Variants in CEP128 observed in about 807,000 individuals in gnomAD.
CEP128 encodes the protein centrosomal protein 128kDa.
Under a neutral mutation model 156.7 loss-of-function variants are expected in CEP128, and 132 were observed. The ratio of observed to expected loss-of-function variants is 0.84; its 90% CI spans 0.73 to 0.97. The LOEUF (loss-of-function observed/expected upper bound fraction) is 0.97, where lower values mean the gene tolerates loss of function less well. Ranked by LOEUF, CEP128 falls within the 50% of genes least tolerant of loss-of-function variation. The pLI is 0.00. For synonymous variants in CEP128, 469 were observed against 448.9 expected, an observed-to-expected ratio of 1.04 and a Z score of -0.57; for missense variants, 1,252 against 1,281.9, an observed-to-expected ratio of 0.98 and a Z score of 0.36.
intron 19 of CEP128, among the ~76,000 whole-genome samples, chr14:80,716,263 C>A (rs1045231928): frequency 2.0e-5 from 3 of 152,138 alleles, no homozygotes; most frequent in Non-Finnish European, 4.4e-5. Flanking sequence ...AGTGTACAAC[C>A]TGATGGCTTT....
chr14:80,833,703 A>G (rs1461998262), intron 12 of CEP128, among the ~76,000 whole-genome samples: 2 of 152,164 alleles, frequency 1.3e-5, no homozygotes, highest in South Asian at 4.1e-4. Flanking sequence ...GTAATAGAAA[A>G]GAAAATAGAT....
chr14:80,523,082 C>G (rs1202070407), intron 23 of CEP128, among the ~76,000 whole-genome samples: 1 of 152,144 alleles, frequency 6.6e-6, no homozygotes, highest in East Asian at 1.9e-4. Flanking sequence ...GAAAGAGAAC[C>G]TGACTTGCTC....
intron 18 of CEP128, among the ~76,000 whole-genome samples, chr14:80,747,197 G>C (rs1379971709): frequency 2.0e-5 from 3 of 152,190 alleles, no homozygotes; most frequent in Non-Finnish European, 4.4e-5. Flanking sequence ...GTTAAACATA[G>C]AGGTACCATA....
chr14:80,723,153 G>A (rs1897891313), intron 19 of CEP128, among the ~76,000 whole-genome samples: 2 of 151,994 alleles, frequency 1.3e-5, no homozygotes, highest in Admixed American at 6.6e-5. Context: ...ATTACTAAGA[G>A]AATTGCCAAT....
chr14:80,760,589 T>A (rs149291881), intron 17 of CEP128, among the ~76,000 whole-genome samples: 24 of 152,196 alleles, frequency 1.6e-4, no homozygotes, highest in Middle Eastern at 3.4e-3. Flanking sequence ...GTGAATGCCA[T>A]CATATCACCA....
At chr14:80,606,222 A>G (rs1235151621) in intron 19 of CEP128, among the ~76,000 whole-genome samples, 1 of 152,146 alleles carries the variant, frequency 6.6e-6, no homozygotes, top group Admixed American at 6.6e-5. Context: ...CTTATCTTTA[A>G]AGGCTACTTG....
chr14:80,647,126 T>C (rs10135178), intron 19 of CEP128, among the ~76,000 whole-genome samples: 54,929 of 87,870 alleles, frequency 0.63, 16,821 homozygotes, highest in East Asian at 0.69. Context: ...CACACACACA[T>C]ACACACACAC....
At chr14:80,541,629 AT>A (rs1427951513) in intron 21 of CEP128, among the ~76,000 whole-genome samples, 13 of 152,140 alleles carry the variant, frequency 8.5e-5, no homozygotes, top group South Asian at 2.1e-4. Context: ...AAAAAAAAAA[AT>A]CTCACAATCT....
At chr14:80,875,805 T>C (rs1175110205) in intron 8 of CEP128, among the ~76,000 whole-genome samples, 1 of 152,138 alleles carries the variant, frequency 6.6e-6, no homozygotes, top group Non-Finnish European at 1.5e-5. Context: ...AAATATGTTC[T>C]TAAGGTAGAT....
At position 80,801,431 on chromosome 14, in the gene CEP128, G is replaced by T. The variant is rs895469422; in HGVS notation, c.1210-8321C>A. 5.6e-4 allele frequency among the ~76,000 whole-genome samples: 84 copies of T among 151,210 alleles called. 1 individual carries two copies. On this transcript the variant is annotated intron_variant, in intron 13 of 24. Transcript: ENST00000555265. Reference sequence around the variant, plus strand: ...ACGTCCCATCAATACCTAGTTTATTGAGAGTTTTTAACATGAAGAGATGCT... The same window carrying T: ...ACGTCCCATCAATACCTAGTTTATTTAGAGTTTTTAACATGAAGAGATGCT...
chr14:80,870,650 G>A (rs1887980409), intron 8 of CEP128, among the ~76,000 whole-genome samples: 1 of 151,986 alleles, frequency 6.6e-6, no homozygotes, highest in South Asian at 2.1e-4. Context: ...GTACTCAACA[G>A]TAAAAATCTA....
At chr14:80,950,377 T>G (rs1886437251) in intron 2 of CEP128, among the ~76,000 whole-genome samples, 1 of 152,176 alleles carries the variant, frequency 6.6e-6, no homozygotes. Flanking sequence ...CTAAGATAGA[T>G]ATCAAGGCAA....
chr14:80,519,869 T>A (rs1888656699), intron 23 of CEP128, among the ~76,000 whole-genome samples: 1 of 152,212 alleles, frequency 6.6e-6, no homozygotes, highest in Non-Finnish European at 1.5e-5. Context: ...CATATGATGA[T>A]CATTTCTTGA....
chr14:80,712,257 T>G (rs1262018304), intron 19 of CEP128, among the ~76,000 whole-genome samples: 1 of 152,120 alleles, frequency 6.6e-6, no homozygotes. Context: ...TCTTAATCAT[T>G]TCAATTTGTG....
exon 15 of CEP128, chr14:80,477,773 C>G (rs1886969767): frequency 6.6e-6 from 1 of 152,198 alleles, no homozygotes; most frequent in South Asian, 2.1e-4. Context: ...TAAAGTTCTA[C>G]TAGCATTTTC....
chr14:80,545,754 G>C (rs1284371315), intron 21 of CEP128, among the ~76,000 whole-genome samples: 1 of 152,190 alleles, frequency 6.6e-6, no homozygotes, highest in Non-Finnish European at 1.5e-5. Flanking sequence ...CTGTGTTAAT[G>C]AGTAGGACAA....
At chr14:80,831,454 T>C (rs1194812766) in intron 12 of CEP128, among the ~76,000 whole-genome samples, 160 bp from the exon 13 acceptor site, 1 of 152,198 alleles carries the variant, frequency 6.6e-6, no homozygotes, top group South Asian at 2.1e-4. Context: ...TCAAGTTTTA[T>C]AGCTTTCAAA....
At chr14:80,527,290 T>A in intron 22 of CEP128, 1 of 458,014 alleles carries the variant, frequency 2.2e-6, no homozygotes, top group Non-Finnish European at 4.4e-6. Flanking sequence ...ACTAGTCAGA[T>A]ATGGTGGTGC....
intron 19 of CEP128, among the ~76,000 whole-genome samples, chr14:80,721,233 A>G (rs1023886540): frequency 5.8e-4 from 89 of 152,330 alleles, no homozygotes; most frequent in African/African-American, 2.1e-3. Flanking sequence ...GCTTCAGGTT[A>G]CATTCATCAT....
Sources: allele counts gnomAD v4.1 joint callset (sites outside exome capture counted in the v4.1 genomes callset), GRCh38; gene constraint gnomAD v4.1.1; transcripts MANE v1.5; gene names NCBI Gene and HGNC (gene_info 2026-07-23, HGNC 2026-07-21).